NKAIN3: variants seen among roughly 807,000 people sequenced by gnomAD.
NKAIN3 encodes the protein sodium/potassium-transporting ATPase subunit beta-1-interacting protein 3.
Under a neutral mutation model 30.2 loss-of-function variants are expected in NKAIN3, and 25 were observed. The ratio of observed to expected loss-of-function variants is 0.83; its 90% CI spans 0.60 to 1.16. NKAIN3 has a LOEUF of 1.16. Among genes scored for constraint, NKAIN3 ranks in the 50% most tolerant of loss-of-function variants. The pLI, the probability that NKAIN3 is intolerant of heterozygous loss-of-function variation, is 0.00. For missense variants in NKAIN3, 225 were observed against 254.1 expected, an observed-to-expected ratio of 0.89 and a Z score of 0.78; for synonymous variants, 91 against 89.6, an observed-to-expected ratio of 1.02 and a Z score of -0.09.
intron 1 of NKAIN3, among the ~76,000 whole-genome samples, chr8:62,453,876 A>G (rs1805726479): frequency 2.0e-5 from 3 of 152,152 alleles, no homozygotes; most frequent in African/African-American, 7.2e-5. Flanking sequence ...GAAATGGAAT[A>G]AAAATTAAAA....
Position 62,983,825 on chromosome 8 carries a change from C to T in NKAIN3, c.*18418C>T, listed in dbSNP as rs887549211. The stretch of plus-strand genomic sequence containing the variant: ...TGCATTAAAAAGAGCACGTCTACAG[C>T]TCCTAACAATCAAAAACAACTATGA... On this transcript the variant is annotated 3_prime_UTR_variant, in exon 7 of 7. Transcript: ENST00000623646. The T allele has an allele frequency of 6.6e-6, 1 of 152,220 alleles. No homozygotes were observed. Among genetic ancestry groups the T allele is most frequent in the African/African-American group, 2.4e-5 (1 of 41,448 alleles). The allele number at this position is 152,220 out of a possible 1,614,324, so 9.4% of individuals were successfully genotyped here.
At chr8:62,522,839 G>A (rs561710653) in intron 1 of NKAIN3, among the ~76,000 whole-genome samples, 1 of 151,988 alleles carries the variant, frequency 6.6e-6, no homozygotes, top group African/African-American at 2.4e-5. Flanking sequence ...GTTATTGCAA[G>A]AGTCAAAAAG....
chr8:62,371,924 G>C (rs534874134), intron 1 of NKAIN3, among the ~76,000 whole-genome samples: 7 of 151,982 alleles, frequency 4.6e-5, no homozygotes, highest in Middle Eastern at 3.4e-3. Context: ...TTCTGACAGA[G>C]AAGTCTCCAT....
chr8:62,513,857 C>CAAAAAAA (rs10608416), intron 1 of NKAIN3, among the ~76,000 whole-genome samples: 3 of 52,616 alleles, frequency 5.7e-5, no homozygotes, highest in Non-Finnish European at 9.6e-5. Flanking sequence ...AAACCTGTCT[C>CAAAAAAA]AAAAAAAAAA....
intron 5 of NKAIN3, among the ~76,000 whole-genome samples, chr8:62,922,830 C>A (rs1822324346): frequency 6.6e-6 from 1 of 151,844 alleles, no homozygotes; most frequent in African/African-American, 2.4e-5. Context: ...CACTAGAGCT[C>A]AGATTTAGAT....
chr8:62,557,482 C>A (rs1809438536), intron 1 of NKAIN3, among the ~76,000 whole-genome samples: 1 of 152,092 alleles, frequency 6.6e-6, no homozygotes, highest in Non-Finnish European at 1.5e-5. Context: ...AAAATGTTCA[C>A]ACTGTTTTCT....
At chr8:62,595,902 C>A (rs542978279) in intron 3 of NKAIN3, among the ~76,000 whole-genome samples, 1 of 151,842 alleles carries the variant, frequency 6.6e-6, no homozygotes, top group South Asian at 2.1e-4. Flanking sequence ...ATTTGAAGAA[C>A]GATTTGTAGT....
intron 4 of NKAIN3, among the ~76,000 whole-genome samples, chr8:62,801,744 C>T (rs1192745188): frequency 6.6e-6 from 1 of 152,222 alleles, no homozygotes; most frequent in East Asian, 1.9e-4. Context: ...AGTTCCTCAC[C>T]AGCAATGGAA....
intron 3 of NKAIN3, among the ~76,000 whole-genome samples, chr8:62,705,553 ATT>A (rs1382721565): frequency 6.6e-6 from 1 of 152,030 alleles, no homozygotes; most frequent in African/African-American, 2.4e-5. Flanking sequence ...TCCCTTCCAT[ATT>A]TTGTGTCCTT....
At chr8:62,850,560 G>C (rs1206096196) in intron 4 of NKAIN3, among the ~76,000 whole-genome samples, 1 of 152,116 alleles carries the variant, frequency 6.6e-6, no homozygotes, top group Non-Finnish European at 1.5e-5. Flanking sequence ...TATTGACTAG[G>C]TTTTCTTCTA....
chr8:62,692,339 G>A (rs1814008195), intron 3 of NKAIN3, among the ~76,000 whole-genome samples: 2 of 152,234 alleles, frequency 1.3e-5, no homozygotes, highest in African/African-American at 4.8e-5. Flanking sequence ...AACTGGCAAA[G>A]ATAATGTGTA....
intron 3 of NKAIN3, among the ~76,000 whole-genome samples, chr8:62,593,018 T>C (rs1199488923): frequency 6.6e-6 from 1 of 152,008 alleles, no homozygotes; most frequent in Non-Finnish European, 1.5e-5. Context: ...TAATACTCCT[T>C]TCTTGCTTAT....
chr8:62,713,053 A>T lies in NKAIN3; in HGVS notation c.274-33879A>T, dbSNP rs147043448. ...GAGAGTTTCCCTTTCCTGTCTCCAG[A>T]GTGGGGGCACTCACAGTATTTGGGG... On this transcript the variant is annotated intron_variant, in intron 3 of 6. Transcript: ENST00000623646. Among the ~76,000 whole-genome samples, 775 of 152,182 alleles carry T rather than the reference A, an allele frequency of 5.1e-3. 3 individuals carry two copies. The highest frequency in any genetic ancestry group is 0.017 in the African/African-American group (719 of 41,520).
intron 1 of NKAIN3, among the ~76,000 whole-genome samples, chr8:62,333,106 C>T (rs908851625): frequency 3.9e-5 from 6 of 152,072 alleles, no homozygotes; most frequent in African/African-American, 1.4e-4. Flanking sequence ...TTTTCCATTA[C>T]ACAAGTACAG....
chr8:62,840,733 G>C (rs541979320), intron 4 of NKAIN3, among the ~76,000 whole-genome samples: 2 of 152,122 alleles, frequency 1.3e-5, no homozygotes, highest in South Asian at 4.1e-4. Context: ...ATATTTAAAT[G>C]TTGGCAACTC....
At chr8:62,553,683 C>T (rs1216270751) in intron 1 of NKAIN3, among the ~76,000 whole-genome samples, 1 of 151,712 alleles carries the variant, frequency 6.6e-6, no homozygotes, top group Non-Finnish European at 1.5e-5. Flanking sequence ...ATTACAGGCA[C>T]CCACCAACAC....
intron 1 of NKAIN3, among the ~76,000 whole-genome samples, chr8:62,547,925 C>A (rs1035026389): frequency 2.0e-5 from 3 of 152,174 alleles, no homozygotes; most frequent in Non-Finnish European, 2.9e-5. Context: ...TGATGAGACA[C>A]AGGATTCTGC....
chr8:62,499,615 C>T (rs1807354686), intron 1 of NKAIN3, among the ~76,000 whole-genome samples: 1 of 152,176 alleles, frequency 6.6e-6, no homozygotes, highest in Non-Finnish European at 1.5e-5. Context: ...AGCATCATAT[C>T]TCCTAAGGGT....
At chr8:62,813,956 A>G (rs1426291669) in intron 4 of NKAIN3, among the ~76,000 whole-genome samples, 1 of 152,016 alleles carries the variant, frequency 6.6e-6, no homozygotes, top group African/African-American at 2.4e-5. Flanking sequence ...TGCTATGAAT[A>G]TATCATCTCA....
Sources: gnomAD v4.1 joint callset for allele counts (sites outside exome capture counted in the v4.1 genomes callset) on GRCh38, gnomAD v4.1.1 for gene constraint, MANE v1.5 for transcripts, NCBI Gene and HGNC (gene_info 2026-07-23, HGNC 2026-07-21) for gene names.